ZNF786: variants seen among roughly 807,000 people sequenced by gnomAD.
ZNF786 encodes the protein zinc finger protein 786.
In ZNF786, 56 loss-of-function variants were observed where a neutral mutation model predicts 63.1. The ratio of observed to expected loss-of-function variants is 0.89; its 90% CI spans 0.72 to 1.11. The LOEUF is 1.11. ZNF786 is among the 50% of genes least tolerant of loss of function. The pLI is 0.00. For synonymous variants in ZNF786, 485 were observed against 406.9 expected (o/e 1.19, Z -2.31); for missense variants, 1,213 against 1,041.8 (o/e 1.16, Z -2.26).
In ZNF786 at chr7:149,070,925, G is replaced by C. The variant is rs1367093365; in HGVS notation, c.1847C>G (p.Thr616Arg). 2 of 1,612,444 alleles carry C rather than the reference G, an allele frequency of 1.2e-6. No individual in the cohort carries two copies. The highest frequency in any genetic ancestry group is 1.7e-6 in the Non-Finnish European group (2 of 1,179,740). The stretch of plus-strand genomic sequence containing the variant: ...CGGACACTGGAAGGGCCTCTCTCCC[G>C]TGTGCAGGCGCTGATGGCTGAGCAG... ...GQLLSHQRLH[T>R]GERPFQCPEC... Residue 616 changes from threonine (T) to arginine (R), a missense_variant, in exon 4 of 4, where the codon ACG (threonine) becomes AGG (arginine). Physicochemically the swap from Thr to Arg is moderately conservative, Grantham distance 71. Coordinates refer to ENST00000491431, the MANE Select transcript of ZNF786 (RefSeq NM_152411.4).
intron 1 of ZNF786, among the ~76,000 whole-genome samples, chr7:149,089,904 G>T (rs1443607784): frequency 6.8e-6 from 1 of 147,294 alleles, no homozygotes. Flanking sequence ...TAGTAGAGTT[G>T]GGGTTTCACC....
intron 2 of ZNF786, among the ~76,000 whole-genome samples, chr7:149,077,341 T>A (rs11767810): frequency 0.53 from 80,877 of 152,122 alleles, 25,150 homozygotes; most frequent in East Asian, 0.9. Context: ...ATTAAGAAGA[T>A]GGGTGGCCAG....
chr7:149,081,878 C>T (rs557121783), intron 1 of ZNF786, among the ~76,000 whole-genome samples: 5 of 152,110 alleles, frequency 3.3e-5, no homozygotes, highest in Non-Finnish European at 7.3e-5. Context: ...CCAAAAGACT[C>T]CTAGATTTGA....
At position 149,072,307 on chromosome 7, in the gene ZNF786, G is replaced by C. The variant is rs200199980; in HGVS notation, c.465C>G (p.Gly155=). ...CTTCTTTTAGGGTAGATTCACTGGG[G>C]CCGCAGGCTAGTGGTGGAGGAGCCC... The part of the protein sequence containing the change: ...DARAPPPLAC[G]PSESTLKEGI... Residue 155 remains glycine (G), a synonymous_variant, in exon 4 of 4, where the codon GGC becomes GGG. Coordinates refer to ENST00000491431, the MANE Select transcript of ZNF786 (RefSeq NM_152411.4). The C allele has an allele frequency of 1.2e-5, 19 of 1,613,698 alleles. No individual in the cohort carries two copies. Among genetic ancestry groups the C allele is most frequent in the East Asian group, 6.7e-5 (3 of 44,898 alleles).
chr7:149,073,741 GTGTGTGTATATATA>G (rs1274203604), intron 3 of ZNF786, among the ~76,000 whole-genome samples: 1 of 69,520 alleles, frequency 1.4e-5, no homozygotes, highest in African/African-American at 6.2e-5. Context: ...GTGTGTGTGT[GTGTGTGTATATATA>G]TATATATATA....
chr7:149,081,145 TTACAG>T, intron 1 of ZNF786: 1 of 456,396 alleles, frequency 2.2e-6, no homozygotes, highest in Non-Finnish European at 4.4e-6. Context: ...CCCTTATAAA[TTACAG>T]TATTCAGCCA....
In ZNF786 at chr7:149,090,659, C is replaced by A; in HGVS notation, c.-19G>T. On this transcript the variant is annotated 5_prime_UTR_variant, in exon 1 of 4. Transcript: ENST00000491431. The stretch of plus-strand genomic sequence containing the variant: ...CCGCCATGGTCCCCGCGGTCCCGCC[C>A]GGCCCTGGCAAACCCGACCGTCTCC... 6.3e-7 allele frequency: 1 copy of A among 1,583,012 alleles called. No individual in the cohort carries two copies. Among genetic ancestry groups the A allele is most frequent in the Non-Finnish European group, 8.6e-7 (1 of 1,163,596 alleles).
At chr7:149,082,533 C>T (rs1339298826) in intron 1 of ZNF786, 3 of 935,566 alleles carry the variant, frequency 3.2e-6, no homozygotes, top group African/African-American at 1.8e-5. Flanking sequence ...ATTGTTATTG[C>T]CATATGTCCT....
At position 149,070,945 on chromosome 7, in the gene ZNF786, G is replaced by A. The variant is rs753007851; in HGVS notation, c.1827C>T (p.Leu609=). 6.2e-6 allele frequency: 10 copies of A among 1,613,018 alleles called. No individual in the cohort carries two copies. Among genetic ancestry groups the A allele is most frequent in the African/African-American group, 2.7e-5 (2 of 74,736 alleles). The change falls in exon 4 of 4, where the codon CTC becomes CTT. Residue 609 remains leucine, a synonymous_variant. Transcript: ENST00000491431. The part of the protein sequence containing the change: ...NRSFRLKGQL[L]SHQRLHTGER... Reference sequence around the variant, plus strand: ...CTCCCGTGTGCAGGCGCTGATGGCTGAGCAGCTGCCCCTTCAGGCGGAAGC... The same window carrying A: ...CTCCCGTGTGCAGGCGCTGATGGCTAAGCAGCTGCCCCTTCAGGCGGAAGC...
chr7:149,086,647 C>CACACAT (rs1554453727), intron 1 of ZNF786, among the ~76,000 whole-genome samples: 1 of 150,842 alleles, frequency 6.6e-6, no homozygotes, highest in Admixed American at 6.6e-5. Flanking sequence ...CACACACACA[C>CACACAT]ACATACACAC....
At chr7:149,086,262 G>C (rs1422511982) in intron 1 of ZNF786, among the ~76,000 whole-genome samples, 1 of 152,168 alleles carries the variant, frequency 6.6e-6, no homozygotes, top group Non-Finnish European at 1.5e-5. Context: ...TCACAGTTCT[G>C]CAGGCTGTAT....
chr7:149,083,650 T>C (rs1825687265), intron 1 of ZNF786, among the ~76,000 whole-genome samples: 1 of 152,182 alleles, frequency 6.6e-6, no homozygotes, highest in African/African-American at 2.4e-5. Flanking sequence ...GTAATAAGCA[T>C]AGTACCCGAT....
rs894012539 is a variant in ZNF786 at position 149,071,967 on chromosome 7, G to A, written c.805C>T (p.Arg269Trp). 1.9e-6 allele frequency: 3 copies of A among 1,612,316 alleles called. No homozygotes were observed. The highest frequency in any genetic ancestry group is 2.2e-5 in the South Asian group (2 of 91,078). Residue 269 changes from arginine to tryptophan, a missense_variant, in exon 4 of 4, where the codon CGG (arginine) becomes TGG (tryptophan). Coordinates refer to ENST00000491431, the MANE Select transcript of ZNF786 (RefSeq NM_152411.4). ...LAAHTGRGPF[R>W]NADGEMCFRH... ...AAGCACATTTCACCGTCAGCGTTCC[G>A]GAAGGGGCCCCTCCCCGTGTGGGCC...
At chr7:149,089,057 C>G (rs1305176388) in intron 1 of ZNF786, among the ~76,000 whole-genome samples, 1 of 147,284 alleles carries the variant, frequency 6.8e-6, no homozygotes, top group East Asian at 2.1e-4. Flanking sequence ...CCCGGGTTCT[C>G]CCGCCTCAGC....
At chr7:149,081,105 T>C (rs1585468092) in intron 1 of ZNF786, 2 of 457,858 alleles carry the variant, frequency 4.4e-6, no homozygotes. Context: ...GTAGAAGATA[T>C]ACCCCACTGA....
chr7:149,070,965 G>A lies in ZNF786; in HGVS notation c.1807C>T (p.Arg603Cys), dbSNP rs367578528. The change falls in exon 4 of 4, where the codon CGC becomes TGC. Residue 603 changes from arginine to cysteine, a missense_variant. Coordinates refer to ENST00000491431, the MANE Select transcript of ZNF786 (RefSeq NM_152411.4). ...FQCPECNRSF[R>C]LKGQLLSHQR... ...TGGCTGAGCAGCTGCCCCTTCAGGCGGAAGCTCCTGTTGCACTCTGGGCAC... is the reference window on the plus strand; with the variant it reads ...TGGCTGAGCAGCTGCCCCTTCAGGCAGAAGCTCCTGTTGCACTCTGGGCAC... 2.5e-6 allele frequency: 4 copies of A among 1,613,164 alleles called. No individual in the cohort carries two copies. Among genetic ancestry groups the A allele is most frequent in the African/African-American group, 1.3e-5 (1 of 74,860 alleles).
chr7:149,079,363 C>G (rs903893700), intron 2 of ZNF786, among the ~76,000 whole-genome samples: 2 of 151,318 alleles, frequency 1.3e-5, no homozygotes, highest in Non-Finnish European at 3.0e-5. Flanking sequence ...GAGCTGAGAT[C>G]CCGCCGCTGC....
chr7:149,074,049 A>T (rs138355637), intron 3 of ZNF786, among the ~76,000 whole-genome samples: 5,728 of 151,422 alleles, frequency 0.038, 158 homozygotes, highest in Non-Finnish European at 0.056. Flanking sequence ...CGCCTCGGCC[A>T]CCCAAAGTGC....
Position 149,070,825 on chromosome 7 carries a change from G to A in ZNF786, c.1947C>T (p.Phe649=). 6.2e-7 allele frequency: 1 copy of A among 1,613,718 alleles called. No homozygotes were observed. The highest frequency in any genetic ancestry group is 8.5e-7 in the Non-Finnish European group (1 of 1,179,894). Reference sequence around the variant, plus strand: ...CAAAGCCCTTGCCGCACTCACAGGAGAAAGGCATCTCCCCGCTGTGCAGCA... The same window carrying A: ...CAAAGCCCTTGCCGCACTCACAGGAAAAAGGCATCTCCCCGCTGTGCAGCA... The part of the protein sequence containing the change: ...HQLLHSGEMP[F]SCECGKGFVK... The change falls in exon 4 of 4, where the codon TTC becomes TTT. Residue 649 remains phenylalanine, a synonymous_variant. Transcript: ENST00000491431.
Sources: allele counts gnomAD v4.1 joint callset (sites outside exome capture counted in the v4.1 genomes callset), GRCh38; gene constraint gnomAD v4.1.1; transcripts MANE v1.5; gene names NCBI Gene and HGNC (gene_info 2026-07-23, HGNC 2026-07-21).